RALGPS1: variants seen among roughly 807,000 people sequenced by gnomAD.
The protein encoded by RALGPS1 is Ral GEF with PH domain and SH3 binding motif 1, also known as ras-specific guanine nucleotide-releasing factor RalGPS1.
A neutral mutation model predicts 78.8 loss-of-function variants in RALGPS1; 19 were observed. That is an observed-to-expected ratio of 0.24 (90% CI 0.17 to 0.35). RALGPS1 has a LOEUF of 0.35. RALGPS1 is among the 10% of genes least tolerant of loss of function. RALGPS1 has a pLI of 1.00. For missense variants in RALGPS1, 454 were observed against 688.3 expected (o/e 0.66, Z 3.81); for synonymous variants, 228 against 256.3 (o/e 0.89, Z 1.06).
chr9:126,974,533 C>CTT (rs142882591), intron 3 of RALGPS1, among the ~76,000 whole-genome samples: 4 of 150,324 alleles, frequency 2.7e-5, no homozygotes, highest in South Asian at 2.1e-4. Flanking sequence ...ATGCAAAAAA[C>CTT]TTTTTTTTTT....
At chr9:126,918,761 C>A (rs1432825585) in intron 1 of RALGPS1, among the ~76,000 whole-genome samples, 1 of 151,690 alleles carries the variant, frequency 6.6e-6, no homozygotes, top group Non-Finnish European at 1.5e-5. Context: ...CAACCTCCGC[C>A]TCCCGGGTTC....
At chr9:127,141,188 C>T (rs2057749587) in intron 8 of RALGPS1, among the ~76,000 whole-genome samples, 1 of 151,910 alleles carries the variant, frequency 6.6e-6, no homozygotes, top group Non-Finnish European at 1.5e-5. Flanking sequence ...TAGGGCTTTG[C>T]TGGGTAGTGC....
chr9:126,957,054 T>G (rs1413819566), intron 1 of RALGPS1, among the ~76,000 whole-genome samples: 1 of 152,208 alleles, frequency 6.6e-6, no homozygotes, highest in South Asian at 2.1e-4. Flanking sequence ...TTCCCTGAAG[T>G]CTGTAGTCTT....
chr9:127,047,493 G>A (rs990559812), intron 5 of RALGPS1, among the ~76,000 whole-genome samples: 1 of 152,190 alleles, frequency 6.6e-6, no homozygotes, highest in South Asian at 2.1e-4. Context: ...GAGGTCAGGA[G>A]TTCGAGATCA....
At chr9:126,942,755 T>A (rs1474547360) in intron 1 of RALGPS1, among the ~76,000 whole-genome samples, 4 of 152,202 alleles carry the variant, frequency 2.6e-5, no homozygotes, top group African/African-American at 9.7e-5. Context: ...TGAACTTACA[T>A]TTTATTTATA....
rs2050152648 is a variant in RALGPS1 at position 127,071,035 on chromosome 9, CTCTCTA to C, written c.610+1681_610+1686del. Among the ~76,000 whole-genome samples the C allele has an allele frequency of 4.1e-5, 5 of 121,908 alleles. No individual in the cohort carries two copies. The South Asian group carries it at 1.2e-3, about 29-fold the overall frequency. The allele number at this position is 121,908 out of a possible 152,430, so 80.0% of individuals were successfully genotyped here. A position where few individuals can be genotyped will look rare whatever the true frequency, so the allele number is the denominator to read the frequency against. ...CTTATAAATTTGAATCTCTCTCTCT[CTCTCTA>C]TATATATATACACTAAATACTAAAG... On this transcript the variant is annotated intron_variant, in intron 8 of 18. Transcript: ENST00000259351.
rs117349953 is a variant in RALGPS1, at chr9:126,989,174, C to T, written c.216+11429C>T. Among the ~76,000 whole-genome samples the T allele has an allele frequency of 5.1e-4, 77 of 152,120 alleles. No homozygotes were observed. In the East Asian group the frequency reaches 0.014, roughly 28 times the overall value. Reference sequence around the variant, plus strand: ...TTTGGTTAGGGGAAGGGGAGGGAAGCCAGGAAATAATGGAGGGAGGAGGAT... The same window carrying T: ...TTTGGTTAGGGGAAGGGGAGGGAAGTCAGGAAATAATGGAGGGAGGAGGAT... On this transcript the variant is annotated intron_variant, in intron 4 of 18. Coordinates refer to ENST00000259351, the MANE Select transcript of RALGPS1 (RefSeq NM_014636.3).
Position 127,091,558 on chromosome 9 carries a change from G to T in RALGPS1, c.610+22202G>T. The T allele has an allele frequency of 1.4e-6, 2 of 1,442,070 alleles. No homozygotes were observed. The highest frequency in any genetic ancestry group is 1.9e-6 in the Non-Finnish European group (2 of 1,071,692). The allele number at this position is 1,442,070 out of a possible 1,614,324, so 89.3% of individuals were successfully genotyped here. On this transcript the variant is annotated intron_variant, in intron 8 of 18. Coordinates refer to ENST00000259351, the MANE Select transcript of RALGPS1 (RefSeq NM_014636.3). This position sits in a 1 kb window ranked among gnomAD's most constrained non-coding sequence, Gnocchi z 4.3. ...TAACAGGGTCAGGCAGCTTGGCCCA[G>T]CTGCTTCTCACCCTGGGATCTTCCC...
chr9:127,184,040 G>A (rs2060468962), intron 11 of RALGPS1: 1 of 1,547,936 alleles, frequency 6.5e-7, no homozygotes, highest in Non-Finnish European at 8.7e-7. Context: ...AAATGATCAA[G>A]GTCAACCAGG....
At chr9:127,000,621 T>C (rs554761428) in intron 4 of RALGPS1, among the ~76,000 whole-genome samples, 19 of 133,782 alleles carry the variant, frequency 1.4e-4, no homozygotes, top group Non-Finnish European at 1.9e-4. Flanking sequence ...CTATCTCGGC[T>C]CACTGCAACC....
At chr9:127,202,011 G>A (rs1460359438) in intron 14 of RALGPS1, among the ~76,000 whole-genome samples, 1 of 152,212 alleles carries the variant, frequency 6.6e-6, no homozygotes, top group Non-Finnish European at 1.5e-5. Flanking sequence ...GGGAGGCTTG[G>A]CCGTGGTGGG....
chr9:127,050,118 G>T lies in RALGPS1; in HGVS notation c.376G>T (p.Val126Leu), dbSNP rs2048167692. The part of the protein sequence containing the change: ...KIRAEILSHF[V>L]KIAKKLLELN... ...AAGGGCAGAAATCCTCAGCCATTTTGTGAAAATAGCCAAGGTAAGCTTTTT... is the reference window on the plus strand; with the variant it reads ...AAGGGCAGAAATCCTCAGCCATTTTTTGAAAATAGCCAAGGTAAGCTTTTT... The change falls in exon 6 of 19, where the codon GTG (valine) becomes TTG (leucine). Residue 126 changes from valine (V) to leucine (L), a missense_variant. Physicochemically the swap from Val to Leu is conservative, Grantham distance 32. Transcript: ENST00000259351. The T allele has an allele frequency of 6.2e-7, 1 of 1,612,814 alleles. No individual in the cohort carries two copies. Among genetic ancestry groups the T allele is most frequent in the Non-Finnish European group, 8.5e-7 (1 of 1,178,800 alleles).
In RALGPS1 at chr9:127,034,471, G is replaced by C. The variant is rs1202337726; in HGVS notation, c.257G>C (p.Ser86Thr). The C allele has an allele frequency of 2.5e-6, 4 of 1,614,160 alleles. No individual in the cohort carries two copies. Among genetic ancestry groups the C allele is most frequent in the East Asian group, 2.2e-5 (1 of 44,880 alleles). The change falls in exon 5 of 19, where the codon AGT becomes ACT. Residue 86 changes from serine (S) to threonine (T), a missense_variant. Coordinates refer to ENST00000259351, the MANE Select transcript of RALGPS1 (RefSeq NM_014636.3). ...GGATGGAGTAAGAAGGAGAAACACA[G>C]TCTTGCCCCTAACGTTGTGGCCTTT... Reference protein sequence around the residue: ...SCGWSKKEKHSLAPNVVAFTR... With the variant: ...SCGWSKKEKHTLAPNVVAFTR...
intron 4 of RALGPS1, among the ~76,000 whole-genome samples, chr9:127,001,976 T>C (rs1402312117): frequency 6.6e-6 from 1 of 152,230 alleles, no homozygotes; most frequent in African/African-American, 2.4e-5. Flanking sequence ...CTATTATCTT[T>C]TAAAGAAATT....
chr9:127,080,653 A>G (rs2051088304), intron 8 of RALGPS1, among the ~76,000 whole-genome samples: 1 of 152,212 alleles, frequency 6.6e-6, no homozygotes, highest in Non-Finnish European at 1.5e-5. Flanking sequence ...TGTATGGGCA[A>G]CGTGTTGGAT....
chr9:127,097,788 GA>G (rs2053297806), intron 8 of RALGPS1, among the ~76,000 whole-genome samples: 2 of 152,250 alleles, frequency 1.3e-5, no homozygotes, highest in African/African-American at 4.8e-5. Flanking sequence ...CCTGGCTGAG[GA>G]AGCGAGGGCT....
intron 11 of RALGPS1, 115 bp downstream of exon 11, chr9:127,174,897 C>T (rs1202472547): frequency 6.9e-6 from 6 of 863,988 alleles, no homozygotes; most frequent in East Asian, 5.0e-5. Context: ...TTAGCAGACT[C>T]AGCTATCCCT....
intron 4 of RALGPS1, among the ~76,000 whole-genome samples, chr9:127,030,745 C>A (rs1430198781): frequency 6.6e-6 from 1 of 151,584 alleles, no homozygotes; most frequent in Non-Finnish European, 1.5e-5. Context: ...TGACAGAGGG[C>A]ATCAGAGTAA....
intron 11 of RALGPS1, chr9:127,177,972 G>A: frequency 6.5e-7 from 1 of 1,546,304 alleles, no homozygotes; most frequent in Non-Finnish European, 8.7e-7. Context: ...ATGGACCCCA[G>A]ATGGTTCACA....
Sources: gnomAD v4.1 joint callset for allele counts (sites outside exome capture counted in the v4.1 genomes callset) on GRCh38, gnomAD v4.1.1 for gene constraint, Gnocchi (gnomAD v3.1) non-coding constraint, MANE v1.5 for transcripts, NCBI Gene and HGNC (gene_info 2026-07-23, HGNC 2026-07-21) for gene names.